Variants in CEP290 observed in about 807,000 individuals in gnomAD.
CEP290 encodes the protein centrosomal protein 290, also known as centrosomal protein of 290 kDa.
A neutral mutation model predicts 344.9 loss-of-function variants in CEP290; 317 were observed. That is an observed-to-expected ratio of 0.92 (90% CI 0.84 to 1.01). The LOEUF (loss-of-function observed/expected upper bound fraction) is 1.01, where lower values mean the gene tolerates loss of function less well. CEP290 is among the 50% of genes least tolerant of loss of function. The probability of loss-of-function intolerance (pLI) is 0.00; values close to 1 mark genes in which losing one functional copy is unlikely to be tolerated. For synonymous variants in CEP290, 932 were observed against 895.8 expected (o/e 1.04, Z -0.72); for missense variants, 2,754 against 2,761.4 (o/e 1.00, Z 0.06).
At chr12:88,116,790 C>G (rs958935782) in intron 18 of CEP290, among the ~76,000 whole-genome samples, 1 of 151,642 alleles carries the variant, frequency 6.6e-6, no homozygotes, top group African/African-American at 2.4e-5. Flanking sequence ...CCGGCTAAAA[C>G]GGTGAAACCC....
At position 88,114,461 on chromosome 12, in the gene CEP290, C is replaced by G. The variant is rs2038917221; in HGVS notation, c.2011G>C (p.Glu671Gln). The stretch of plus-strand genomic sequence containing the variant: ...AGGCTAGGGATAATTAGAGATGTTT[C>G]TCCTCCTTTAACATCAGGATCTTTC... Reference protein sequence around the residue: ...MQKDPDVKGGETSLIIPSLER... With the variant: ...MQKDPDVKGGQTSLIIPSLER... The change falls in exon 20 of 54, where the codon GAA (glutamate) becomes CAA (glutamine). Residue 671 changes from glutamate to glutamine, a missense_variant. Glu to Gln is a conservative substitution (Grantham distance 29). Transcript: ENST00000552810. 6.5e-7 allele frequency: 1 copy of G among 1,547,084 alleles called. No individual in the cohort carries two copies. The highest frequency in any genetic ancestry group is 1.4e-5 in the African/African-American group (1 of 72,866).
intron 49 of CEP290, among the ~76,000 whole-genome samples, chr12:88,056,008 A>C (rs1350875876): frequency 6.6e-6 from 1 of 152,148 alleles, no homozygotes; most frequent in Non-Finnish European, 1.5e-5. Context: ...CAAAATAAGA[A>C]AATGCAAAGT....
chr12:88,140,844 G>C, intron 3 of CEP290, 112 bp downstream of exon 3: 2 of 637,988 alleles, frequency 3.1e-6, no homozygotes, highest in Non-Finnish European at 5.3e-6. Context: ...GCATTTTTTA[G>C]TGGTGATGTA....
At position 88,141,207 on chromosome 12, in the gene CEP290, T is replaced by A. The variant is rs574089816; in HGVS notation, c.101A>T (p.Lys34Met). The A allele has an allele frequency of 1.2e-6, 2 of 1,604,786 alleles. No homozygotes were observed. The highest frequency in any genetic ancestry group is 2.7e-5 in the African/African-American group (2 of 74,680). Residue 34 changes from lysine (K) to methionine (M), a missense_variant and splice_region_variant, in exon 2 of 54, where the codon AAG becomes ATG. Transcript: ENST00000552810. ...LADNLLISLS[K>M]VEVNELKSEK... Reference sequence around the variant, plus strand: ...TATTATTATTGACCAATTAAGCACCTTGGATAAGGAAATCAATAAATTATC... The same window carrying A: ...TATTATTATTGACCAATTAAGCACCATGGATAAGGAAATCAATAAATTATC...
Position 88,062,602 on chromosome 12 carries a change from A to G in CEP290, c.6357+90T>C. Reference sequence around the variant, plus strand: ...GAAACTACAGGGCACTTGTAGAGGCATATCAGTACTTTTACAACATATCTA... The same window carrying G: ...GAAACTACAGGGCACTTGTAGAGGCGTATCAGTACTTTTACAACATATCTA... On this transcript the variant is annotated intron_variant, in intron 46 of 53. Transcript: ENST00000552810. The G allele has an allele frequency of 5.2e-6, 4 of 771,786 alleles. No homozygotes were observed. In the South Asian group the frequency reaches 6.3e-5, roughly 12 times the overall value. 47.8% of individuals were successfully genotyped at this position (771,786 alleles called of 1,614,324 possible).
At position 88,084,676 on chromosome 12, in the gene CEP290, A is replaced by G. The variant is rs747484394; in HGVS notation, c.4614T>C (p.Ala1538=). The change falls in exon 35 of 54, where the codon GCT becomes GCC. Residue 1538 remains alanine (A), a synonymous_variant. Transcript: ENST00000552810. ...CTTGCATGTTTGCAATGGTTTGATG[A>G]GCAATTTTCAATGTGTGGTGAGATT... ...EPKSHHTLKI[A]HQTIANMQAR... 8.1e-6 allele frequency: 13 copies of G among 1,613,758 alleles called. No homozygotes were observed. The highest frequency in any genetic ancestry group is 5.0e-5 in the Admixed American group (3 of 60,012).
chr12:88,092,204 T>A (rs1050015044), intron 29 of CEP290, among the ~76,000 whole-genome samples: 2 of 152,230 alleles, frequency 1.3e-5, no homozygotes, highest in African/African-American at 2.4e-5. Flanking sequence ...AATATATGTT[T>A]AATACCTTGC....
At chr12:88,074,554 C>T (rs1054597785) in intron 41 of CEP290, among the ~76,000 whole-genome samples, 5 of 152,198 alleles carry the variant, frequency 3.3e-5, no homozygotes, top group African/African-American at 1.2e-4. Flanking sequence ...TTATAACTCT[C>T]ATAGCCCTTG....
intron 13 of CEP290, among the ~76,000 whole-genome samples, chr12:88,121,604 T>C (rs1379084453): frequency 7.7e-6 from 1 of 129,430 alleles, no homozygotes; most frequent in Non-Finnish European, 1.6e-5. Flanking sequence ...AAAGTTCATA[T>C]GTGAATTTCA....
Position 88,064,062 on chromosome 12 carries a change from C to T in CEP290, c.6189G>A (p.Lys2063=). The part of the protein sequence containing the change: ...DHCQREQELQ[K]ENLKLSSENI... ...TTTCAGATGACAACTTCAAGTTTTC[C>T]TTCTGAAGCTCCTGTTCTCTCTGAC... The change falls in exon 45 of 54, where the codon AAG becomes AAA. Residue 2063 remains lysine (K), a synonymous_variant. Transcript: ENST00000552810. The T allele has an allele frequency of 1.3e-6, 2 of 1,588,166 alleles. No individual in the cohort carries two copies.
intron 37 of CEP290, among the ~76,000 whole-genome samples, 175 bp from the exon 38 acceptor site, chr12:88,080,570 C>T (rs1301389962): frequency 3.9e-5 from 6 of 152,132 alleles, no homozygotes; most frequent in African/African-American, 1.2e-4. Flanking sequence ...GCTGGGACTA[C>T]GGGCGTGCAC....
intron 29 of CEP290, among the ~76,000 whole-genome samples, 179 bp downstream of exon 29, chr12:88,092,502 T>C (rs2037127746): frequency 6.6e-6 from 1 of 152,194 alleles, no homozygotes; most frequent in African/African-American, 2.4e-5. Flanking sequence ...AATATTATTC[T>C]CGTCAATATT....
At position 88,115,456 on chromosome 12, in the gene CEP290, T is replaced by TAAA. The variant is rs1466520750; in HGVS notation, c.1825-275_1825-274insTTT. ...TCTTTAGTACCACAATCATCTCTTT[T>TAAA]AATGTTCTGCCTTTACACTACCTGT... On this transcript the variant is annotated intron_variant, in intron 18 of 53. Transcript: ENST00000552810. 7 of 1,294,814 alleles carry TAAA rather than the reference T, an allele frequency of 5.4e-6. No individual in the cohort carries two copies. The African/African-American group carries it at 1.0e-4, about 19-fold the overall frequency. 80.2% of individuals were successfully genotyped at this position (1,294,814 alleles called of 1,614,324 possible). A position where few individuals can be genotyped will look rare whatever the true frequency, so the allele number is the denominator to read the frequency against.
At chr12:88,126,768 A>C (rs530722466) in intron 11 of CEP290, among the ~76,000 whole-genome samples, 75 of 152,264 alleles carry the variant, frequency 4.9e-4, no homozygotes, top group African/African-American at 1.8e-3. Context: ...GATCTTTATG[A>C]AGTATGCATT....
chr12:88,113,378 C>T (rs962562545), intron 20 of CEP290, among the ~76,000 whole-genome samples: 1 of 151,998 alleles, frequency 6.6e-6, no homozygotes, highest in African/African-American at 2.4e-5. Flanking sequence ...AATCACCAAT[C>T]AGAGAAGGAA....
chr12:88,084,691 G>A lies in CEP290; in HGVS notation c.4599C>T (p.His1533=), dbSNP rs932264519. ...TGGTTTGATGAGCAATTTTCAATGT[G>A]TGGTGAGATTTTGGTTCCATCTCTT... ...GRKEMEPKSH[H]TLKIAHQTIA... is the part of the protein sequence containing the mutation. Residue 1533 remains histidine (H), a synonymous_variant, in exon 35 of 54, where the codon CAC becomes CAT. Transcript: ENST00000552810. 3.7e-6 allele frequency: 6 copies of A among 1,613,614 alleles called. No individual in the cohort carries two copies. Among genetic ancestry groups the A allele is most frequent in the Non-Finnish European group, 5.1e-6 (6 of 1,179,722 alleles).
chr12:88,060,043 A>T, intron 47 of CEP290, 23 bp from the exon 48 acceptor site: 1 of 1,492,390 alleles, frequency 6.7e-7, no homozygotes, highest in African/African-American at 1.4e-5. Context: ...CAAACAAAAT[A>T]AAAAGTATAC....
At position 88,120,154 on chromosome 12, in the gene CEP290, A is replaced by G. The variant is rs1295495930; in HGVS notation, c.1482T>C (p.Ser494=). Reference sequence around the variant, plus strand: ...GTGCCTCATTTTCATCAAGGAAATCACTGATCTTCAATTCAAGTTTATTGA... The same window carrying G: ...GTGCCTCATTTTCATCAAGGAAATCGCTGATCTTCAATTCAAGTTTATTGA... ...KEINKLELKI[S]DFLDENEALR... is the part of the protein sequence containing the mutation. The change falls in exon 15 of 54, where the codon AGT becomes AGC. Residue 494 remains serine (S), a synonymous_variant. Coordinates refer to ENST00000552810, the MANE Select transcript of CEP290 (RefSeq NM_025114.4). 3.9e-6 allele frequency: 6 copies of G among 1,543,148 alleles called. No individual in the cohort carries two copies. In the South Asian group the frequency reaches 7.5e-5, roughly 19 times the overall value.
intron 23 of CEP290, 146 bp downstream of exon 23, chr12:88,108,920 C>T: frequency 2.3e-6 from 1 of 432,794 alleles, no homozygotes; most frequent in East Asian, 4.0e-5. Context: ...AAATAAGTTC[C>T]TAACAGTAGT....
Sources: gnomAD v4.1 joint callset for allele counts (sites outside exome capture counted in the v4.1 genomes callset) on GRCh38, gnomAD v4.1.1 for gene constraint, MANE v1.5 for transcripts, NCBI Gene and HGNC (gene_info 2026-07-23, HGNC 2026-07-21) for gene names.